The following ZC3H3 variants were observed in gnomAD, a reference collection of about 807,000 sequenced individuals.
ZC3H3 encodes zinc finger CCCH domain-containing protein 3.
ZC3H3 carries 36 observed loss-of-function variants against 77.3 expected under a neutral mutation model. The ratio of observed to expected loss-of-function variants is 0.47; its 90% CI spans 0.36 to 0.61. The LOEUF is 0.61. ZC3H3 is among the 20% of genes least tolerant of loss of function. ZC3H3 has a pLI of 0.00. For missense variants in ZC3H3, 1,331 were observed against 1,312.2 expected, an observed-to-expected ratio of 1.01 and a Z score of -0.22; for synonymous variants, 626 against 555.2, an observed-to-expected ratio of 1.13 and a Z score of -1.79.
chr8:143,468,817 G>A (rs1163766271), intron 5 of ZC3H3, among the ~76,000 whole-genome samples, 158 bp from the exon 6 acceptor site: 1 of 152,192 alleles, frequency 6.6e-6, no homozygotes, highest in African/African-American at 2.4e-5. Context: ...TCCCCACAGT[G>A]GTTCAGATGC....
chr8:143,515,831 A>C (rs1343262919), intron 3 of ZC3H3, among the ~76,000 whole-genome samples: 1 of 152,218 alleles, frequency 6.6e-6, no homozygotes, highest in Non-Finnish European at 1.5e-5. Context: ...TGGAGACTGG[A>C]CACACCGGCC....
At chr8:143,527,782 T>C (rs921668) in intron 3 of ZC3H3, among the ~76,000 whole-genome samples, 73,187 of 151,998 alleles carry the variant, frequency 0.48, 18,147 homozygotes, top group East Asian at 0.68. Flanking sequence ...AGGTGGGCAA[T>C]GCTGGCCAGC....
intron 5 of ZC3H3, among the ~76,000 whole-genome samples, chr8:143,473,472 G>A (rs1298449132): frequency 6.6e-6 from 1 of 152,180 alleles, no homozygotes; most frequent in East Asian, 1.9e-4. Context: ...CAGCATCCAT[G>A]GGAGATGCAG....
chr8:143,506,508 T>C (rs1821701244), intron 4 of ZC3H3, among the ~76,000 whole-genome samples: 1 of 152,134 alleles, frequency 6.6e-6, no homozygotes, highest in Non-Finnish European at 1.5e-5. Context: ...CTTAGCAATG[T>C]GAATTAATAT....
intron 4 of ZC3H3, among the ~76,000 whole-genome samples, chr8:143,501,955 A>G (rs1821539028): frequency 6.6e-6 from 1 of 152,248 alleles, no homozygotes; most frequent in Admixed American, 6.5e-5. Flanking sequence ...GTGAGGACGC[A>G]GGGCCTTCAG....
At chr8:143,489,726 C>T (rs1019382846) in intron 4 of ZC3H3, among the ~76,000 whole-genome samples, 4 of 152,300 alleles carry the variant, frequency 2.6e-5, no homozygotes, top group Non-Finnish European at 4.4e-5. Context: ...TGGCGTCAGG[C>T]GGTGATTTAT....
At chr8:143,478,330 G>A (rs1357449224) in intron 4 of ZC3H3, among the ~76,000 whole-genome samples, 2 of 152,168 alleles carry the variant, frequency 1.3e-5, no homozygotes, top group Admixed American at 1.3e-4. Context: ...CCTCCCCCAG[G>A]GGCAGCCACA....
At chr8:143,455,771 AAGG>A (rs1242401169) in intron 9 of ZC3H3, among the ~76,000 whole-genome samples, 1 of 151,894 alleles carries the variant, frequency 6.6e-6, no homozygotes, top group East Asian at 1.9e-4. Flanking sequence ...TCAGGAGTTC[AAGG>A]CCAGCCTGGC....
intron 4 of ZC3H3, among the ~76,000 whole-genome samples, chr8:143,502,910 C>T (rs1039277328): frequency 3.3e-5 from 5 of 152,220 alleles, no homozygotes; most frequent in Non-Finnish European, 7.3e-5. Context: ...AGTCCTGGGG[C>T]CCGGGGGAGG....
chr8:143,515,264 G>A (rs1177002872), intron 3 of ZC3H3, among the ~76,000 whole-genome samples: 1 of 152,250 alleles, frequency 6.6e-6, no homozygotes, highest in Non-Finnish European at 1.5e-5. Flanking sequence ...GATGGAGCCA[G>A]CCTGTGGCGC....
At chr8:143,502,497 A>G (rs1821555527) in intron 4 of ZC3H3, among the ~76,000 whole-genome samples, 1 of 152,248 alleles carries the variant, frequency 6.6e-6, no homozygotes, top group African/African-American at 2.4e-5. Flanking sequence ...CTTAAGATTT[A>G]CCGCACAGAC....
chr8:143,518,288 G>A (rs1237219117), intron 3 of ZC3H3, among the ~76,000 whole-genome samples: 1 of 152,216 alleles, frequency 6.6e-6, no homozygotes, highest in African/African-American at 2.4e-5. Flanking sequence ...CCTTCACATG[G>A]CTGGGCCTGG....
chr8:143,492,747 G>A (rs984811054), intron 4 of ZC3H3, among the ~76,000 whole-genome samples: 26 of 144,082 alleles, frequency 1.8e-4, no homozygotes, highest in Admixed American at 3.4e-4. Context: ...TCAGGCTCCC[G>A]TGTCCTGGCC....
At chr8:143,521,373 G>C (rs996488394) in intron 3 of ZC3H3, among the ~76,000 whole-genome samples, 13 of 151,996 alleles carry the variant, frequency 8.6e-5, no homozygotes, top group South Asian at 2.1e-4. Flanking sequence ...CCCAGGTCTT[G>C]AGGGCTCCTC....
rs750691510 is a variant in ZC3H3, at chr8:143,465,865, C to T, written c.2176-17G>A. ...CACCGGCATCTGCAGGGAGGGCCGG[C>T]AGTGAGGGCCAGCAGGCAGCCACCC... is the stretch of plus-strand genomic sequence containing the variant. On this transcript the variant is annotated splice_polypyrimidine_tract_variant and intron_variant, in intron 8 of 11. Transcript: ENST00000262577. 4 of 1,604,474 alleles carry T rather than the reference C, an allele frequency of 2.5e-6. No homozygotes were observed. The Admixed American group carries it at 6.7e-5, about 27-fold the overall frequency.
At chr8:143,475,695 C>T in intron 4 of ZC3H3, 110 bp from the exon 5 acceptor site, 2 of 1,297,770 alleles carry the variant, frequency 1.5e-6, no homozygotes, top group Non-Finnish European at 2.1e-6. Flanking sequence ...GGACAGGGAG[C>T]AGCACTTGCG....
Position 143,475,323 on chromosome 8 carries a change from G to T in ZC3H3, c.1903+75C>A, listed in dbSNP as rs567946968. 58 of 1,495,386 alleles carry T rather than the reference G, an allele frequency of 3.9e-5. No homozygotes were observed. The African/African-American group carries it at 5.1e-4, about 13-fold the overall frequency. 92.6% of individuals were successfully genotyped at this position (1,495,386 alleles called of 1,614,324 possible). A position where few individuals can be genotyped will look rare whatever the true frequency, so the allele number is the denominator to read the frequency against. Reference sequence around the variant, plus strand: ...CAGCCACAGCATGTTGGAGGTTAGGGGGTCTGGCCTGCAATGCCCACCACA... The same window carrying T: ...CAGCCACAGCATGTTGGAGGTTAGGTGGTCTGGCCTGCAATGCCCACCACA... On this transcript the variant is annotated intron_variant, in intron 5 of 11. Transcript: ENST00000262577.
rs369924661 is a variant in ZC3H3, at chr8:143,438,812, G to A, written c.2816-725C>T. 2.0e-4 allele frequency among the ~76,000 whole-genome samples: 31 copies of A among 152,306 alleles called. 5 individuals carry two copies. The highest frequency in any genetic ancestry group is 1.8e-3 in the Admixed American group (27 of 15,294). On this transcript the variant is annotated intron_variant, in intron 11 of 11. Coordinates refer to ENST00000262577, the MANE Select transcript of ZC3H3 (RefSeq NM_015117.3). ...TGCCCAGGTGCCCCTCTTCAGGGCC[G>A]ATGAGCCCGCTCACCCATGCACAGC...
In ZC3H3 at chr8:143,440,029, C is replaced by T. The variant is rs753054483; in HGVS notation, c.2815+12G>A. 1.3e-6 allele frequency: 2 copies of T among 1,506,006 alleles called. No individual in the cohort carries two copies. The highest frequency in any genetic ancestry group is 1.3e-5 in the South Asian group (1 of 79,320). 93.3% of individuals were successfully genotyped at this position (1,506,006 alleles called of 1,614,324 possible). On this transcript the variant is annotated intron_variant, in intron 11 of 11. Coordinates refer to ENST00000262577, the MANE Select transcript of ZC3H3 (RefSeq NM_015117.3). The stretch of plus-strand genomic sequence containing the variant: ...GGGGCCCTGGGGGCCCGAGCCAGGC[C>T]GTGCTGCCTACCTGAGTCCTTGGTG...
Sources: gnomAD v4.1 joint callset for allele counts (sites outside exome capture counted in the v4.1 genomes callset) on GRCh38, gnomAD v4.1.1 for gene constraint, MANE v1.5 for transcripts, NCBI Gene and HGNC (gene_info 2026-07-23, HGNC 2026-07-21) for gene names.